The following DCAF6 variants were observed in gnomAD, a reference collection of about 807,000 sequenced individuals.
DCAF6 encodes the protein DDB1 and CUL4 associated factor 6.
In DCAF6, 54 loss-of-function variants were observed where a neutral mutation model predicts 125.1. That is an observed-to-expected ratio of 0.43 (90% CI 0.35 to 0.54). The LOEUF (loss-of-function observed/expected upper bound fraction) is 0.54. DCAF6 is among the 20% of genes least tolerant of loss of function. DCAF6 has a pLI of 0.01. For synonymous variants in DCAF6, 371 were observed against 390.4 expected, an observed-to-expected ratio of 0.95 and a Z score of 0.58; for missense variants, 934 against 1,161.7, an observed-to-expected ratio of 0.80 and a Z score of 2.85.
intron 8 of DCAF6, among the ~76,000 whole-genome samples, chr1:168,002,984 A>G (rs1480460027): frequency 6.6e-6 from 1 of 152,212 alleles, no homozygotes; most frequent in African/African-American, 2.4e-5. Context: ...GATAAGCATA[A>G]GAATCAACCC....
At chr1:167,931,794 A>C (rs1670919430), upstream of DCAF6, among the ~76,000 whole-genome samples, 1 of 152,182 alleles carries the variant, frequency 6.6e-6, no homozygotes. Flanking sequence ...ATTGAATATA[A>C]AATTTTTATG....
At chr1:167,979,394 C>G (rs1277668467) in intron 4 of DCAF6, among the ~76,000 whole-genome samples, 1 of 152,118 alleles carries the variant, frequency 6.6e-6, no homozygotes, top group African/African-American at 2.4e-5. Flanking sequence ...ATCCTAGTCC[C>G]TGGCAACCAT....
the DCAF6 span, among the ~76,000 whole-genome samples, chr1:167,869,514 C>T: frequency 2.6e-5 from 4 of 152,138 alleles, no homozygotes; most frequent in Non-Finnish European, 5.9e-5. Context: ...GCAGGTAGCC[C>T]GGCGCCTAAG....
chr1:168,033,467 C>T (rs1231702540), intron 12 of DCAF6, among the ~76,000 whole-genome samples: 2 of 152,004 alleles, frequency 1.3e-5, no homozygotes, highest in Non-Finnish European at 2.9e-5. Flanking sequence ...AGGCGCCCGC[C>T]ACCGCGCCCG....
intron 1 of DCAF6, chr1:167,937,393 C>T: frequency 4.4e-6 from 1 of 228,640 alleles, no homozygotes; most frequent in East Asian, 1.5e-4. Flanking sequence ...AGCCGAAGAA[C>T]CTAAGTTGTT....
chr1:167,934,933 G>GT (rs538033402), upstream of DCAF6, among the ~76,000 whole-genome samples: 120 of 149,094 alleles, frequency 8.0e-4, no homozygotes, highest in East Asian at 0.011. Context: ...GTTTCTTACA[G>GT]TTTTTTTTTT....
At chr1:167,954,759 G>A (rs945435547) in intron 2 of DCAF6, among the ~76,000 whole-genome samples, 1 of 152,030 alleles carries the variant, frequency 6.6e-6, no homozygotes, top group African/African-American at 2.4e-5. Context: ...GCAAATTTTT[G>A]TATTTTTAAG....
At chr1:168,068,110 C>T (rs538594690) in intron 20 of DCAF6, among the ~76,000 whole-genome samples, 1 of 152,276 alleles carries the variant, frequency 6.6e-6, no homozygotes, top group East Asian at 1.9e-4. Flanking sequence ...TTTTAAGTAG[C>T]CTCAAAATTT....
At position 168,063,749 on chromosome 1, in the gene DCAF6, C is replaced by G; in HGVS notation, c.2429C>G (p.Ser810Cys). 2 of 1,604,668 alleles carry G rather than the reference C, an allele frequency of 1.2e-6. No homozygotes were observed. The highest frequency in any genetic ancestry group is 2.3e-5 in the East Asian group (1 of 44,060). ...ATGGTTTATAAAGGCCATCGCAACT[C>G]CAGGACAATGGTACCAAATGTTCAT... ...VKMVYKGHRN[S>C]RTMIKEANFW... The change falls in exon 18 of 22, where the codon TCC becomes TGC. Residue 810 changes from serine to cysteine, a missense_variant. Ser to Cys is a moderately radical substitution (Grantham distance 112, BLOSUM62 -1). Coordinates refer to ENST00000367840, the MANE Select transcript of DCAF6 (RefSeq NM_001198956.2).
the DCAF6 span, among the ~76,000 whole-genome samples, chr1:167,901,172 A>G: frequency 0.011 from 1,647 of 152,342 alleles, 30 homozygotes; most frequent in African/African-American, 0.03. Flanking sequence ...TATTATATGT[A>G]TAACTTTAAG....
the DCAF6 span, among the ~76,000 whole-genome samples, chr1:167,882,283 G>A: frequency 1.3e-5 from 2 of 152,072 alleles, no homozygotes; most frequent in Admixed American, 6.5e-5. Flanking sequence ...TCAGGAATTC[G>A]AGACCCACCT....
intron 1 of DCAF6, among the ~76,000 whole-genome samples, chr1:167,944,061 C>T (rs1672685855): frequency 6.6e-6 from 1 of 152,150 alleles, no homozygotes; most frequent in Non-Finnish European, 1.5e-5. Context: ...CCAGGATGGC[C>T]TCGATCCCCC....
chr1:167,884,876 T>G, the DCAF6 span, among the ~76,000 whole-genome samples: 1 of 152,070 alleles, frequency 6.6e-6, no homozygotes, highest in Non-Finnish European at 1.5e-5. Flanking sequence ...TTTTGTATTT[T>G]TAGTAGAGAC....
chr1:167,899,084 C>T, the DCAF6 span, among the ~76,000 whole-genome samples: 974 of 152,278 alleles, frequency 6.4e-3, 11 homozygotes, highest in African/African-American at 0.023. Flanking sequence ...GGGTCAATGA[C>T]AGCCTTTAAA....
chr1:167,935,307 T>A (rs531864122), upstream of DCAF6, among the ~76,000 whole-genome samples: 1 of 152,284 alleles, frequency 6.6e-6, no homozygotes, highest in Non-Finnish European at 1.5e-5. Flanking sequence ...CTGAAGAAAG[T>A]GACCTTTACT....
intron 1 of DCAF6, among the ~76,000 whole-genome samples, chr1:167,946,201 C>T (rs973620526): frequency 6.6e-6 from 1 of 152,152 alleles, no homozygotes; most frequent in African/African-American, 2.4e-5. Flanking sequence ...GGTGATCTGG[C>T]CACCTCAGCC....
At chr1:167,903,859 C>T in the DCAF6 span, 2 of 1,524,194 alleles carry the variant, frequency 1.3e-6, no homozygotes, top group Non-Finnish European at 1.8e-6. Context: ...GAAATATTCT[C>T]AAGCCAGAAA....
chr1:167,939,652 C>G (rs890305236), intron 1 of DCAF6, among the ~76,000 whole-genome samples: 1 of 151,954 alleles, frequency 6.6e-6, no homozygotes, highest in Non-Finnish European at 1.5e-5. Context: ...AGTCTCAGCT[C>G]CTTGGGAGGC....
chr1:168,073,152 G>T (rs1181553363), intron 21 of DCAF6, among the ~76,000 whole-genome samples: 1 of 152,006 alleles, frequency 6.6e-6, no homozygotes, highest in East Asian at 1.9e-4. Flanking sequence ...CTCCAGCCTG[G>T]GCGATAGAGC....
Sources: gnomAD v4.1 joint callset for allele counts (sites outside exome capture counted in the v4.1 genomes callset) on GRCh38, gnomAD v4.1.1 for gene constraint, MANE v1.5 for transcripts, NCBI Gene and HGNC (gene_info 2026-07-23, HGNC 2026-07-21) for gene names.